The following PSG6 variants were observed in gnomAD, a reference collection of about 807,000 sequenced individuals.
PSG6 encodes the protein pregnancy specific beta-1-glycoprotein 6, also known as pregnancy-specific beta-1-glycoprotein 6.
A neutral mutation model predicts 43.3 loss-of-function variants in PSG6; 51 were observed. The observed-to-expected ratio is 1.18, with a 90% CI of 0.94 to 1.49. The LOEUF (loss-of-function observed/expected upper bound fraction) is 1.49. Ranked by LOEUF, PSG6 falls within the 40% of genes most tolerant of loss-of-function variation. The pLI, the probability that PSG6 is intolerant of heterozygous loss-of-function variation, is 0.00. For synonymous variants in PSG6, 292 were observed against 197.6 expected, an observed-to-expected ratio of 1.48 and a Z score of -4.01; for missense variants, 770 against 522.2, an observed-to-expected ratio of 1.47 and a Z score of -4.62.
chr19:42,903,507 T>A (rs1438538927), intron 5 of PSG6: 2 of 1,118,178 alleles, frequency 1.8e-6, no homozygotes, highest in East Asian at 3.0e-5. Context: ...AACCAAAAGT[T>A]GATTCTTCAA....
rs1336880012 is a variant in PSG6, at chr19:42,907,742, C to A, written c.819G>T (p.Trp273Cys). 3.1e-6 allele frequency: 5 copies of A among 1,610,714 alleles called. No homozygotes were observed. In the Admixed American group the frequency reaches 8.4e-5, roughly 27 times the overall value. ...PKSRNYTYIW[W>C]LNGQSLPVSP... is the part of the protein sequence containing the mutation. ...TGACCGGGAGGCTCTGACCATTTAG[C>A]CACCAAATGTAGGTGTAGTTCCGAC... Residue 273 changes from tryptophan to cysteine, a missense_variant, in exon 4 of 6, where the codon TGG (tryptophan) becomes TGT (cysteine). Trp to Cys is a radical substitution (Grantham distance 215, BLOSUM62 -2). Coordinates refer to ENST00000187910, the MANE Select transcript of PSG6 (RefSeq NM_001031850.4).
At position 42,916,766 on chromosome 19, in the gene PSG6, C is replaced by T. The variant is rs181037323; in HGVS notation, c.65-279G>A. ...TTTGCAATCCTCTTCCCCAGGGGTCCGCACGGCCCCCTCCACACTGCCCTC... is the reference window on the plus strand; with the variant it reads ...TTTGCAATCCTCTTCCCCAGGGGTCTGCACGGCCCCCTCCACACTGCCCTC... On this transcript the variant is annotated intron_variant, in intron 1 of 5. Transcript: ENST00000187910. Among the ~76,000 whole-genome samples the T allele has an allele frequency of 1.4e-3, 216 of 151,128 alleles. 5 individuals are homozygous for T. Among genetic ancestry groups the T allele is most frequent in the Non-Finnish European group, 2.4e-3 (166 of 67,790 alleles).
At chr19:42,915,314 A>G (rs1384735291) in intron 2 of PSG6, 2 of 151,874 alleles carry the variant, frequency 1.3e-5, no homozygotes, top group African/African-American at 4.8e-5. Context: ...AATGCTTGGC[A>G]CAGTGGAGGT....
At chr19:42,917,529 A>T (rs536815690) in intron 1 of PSG6, among the ~76,000 whole-genome samples, 200 bp downstream of exon 1, 1 of 150,638 alleles carries the variant, frequency 6.6e-6, no homozygotes, top group East Asian at 2.0e-4. Context: ...TACTTGGTTA[A>T]TTTTTTGTAT....
intron 5 of PSG6, among the ~76,000 whole-genome samples, chr19:42,905,312 T>C (rs1034055694): frequency 2.0e-5 from 3 of 151,744 alleles, no homozygotes; most frequent in Non-Finnish European, 4.4e-5. Flanking sequence ...GCAAAGTTCC[T>C]CAGCATCACG....
rs1972200623 is a variant in PSG6, at chr19:42,910,589, T to G, written c.697A>C (p.Asn233His). ...SASRSDPVTL[N>H]LLPKLPMPYI... ...AACAGAAGATACTCACGGAGGAGAT[T>G]CAGGGTGACTGGGTCACTGCGGCTG... The change falls in exon 3 of 6, where the codon AAT (asparagine) becomes CAT (histidine). Residue 233 changes from asparagine (N) to histidine (H), a missense_variant. Asn to His is a moderately conservative substitution (Grantham distance 68). Coordinates refer to ENST00000187910, the MANE Select transcript of PSG6 (RefSeq NM_001031850.4). The G allele has an allele frequency of 6.2e-7, 1 of 1,612,362 alleles. No homozygotes were observed. Among genetic ancestry groups the G allele is most frequent in the African/African-American group, 1.3e-5 (1 of 74,744 alleles).
rs1291122719 is a variant in PSG6, at chr19:42,902,402, G to T, written c.*10C>A. On this transcript the variant is annotated 3_prime_UTR_variant, in exon 6 of 6. Transcript: ENST00000187910. ...TGTTCTTTTTCTCAGTGTCTCTATT[G>T]TGGCAGCCATTAATGAGACTCTGTC... 1 of 1,610,292 alleles carries T rather than the reference G, an allele frequency of 6.2e-7. No individual in the cohort carries two copies. Among genetic ancestry groups the T allele is most frequent in the Non-Finnish European group, 8.5e-7 (1 of 1,177,908 alleles).
chr19:42,903,506 T>G (rs987385032), intron 5 of PSG6: 117 of 1,108,514 alleles, frequency 1.1e-4, no homozygotes, highest in Non-Finnish European at 1.3e-4. Flanking sequence ...AAACCAAAAG[T>G]TGATTCTTCA....
rs779972451 is a variant in PSG6, at chr19:42,910,809, C to T, written c.477G>A (p.Glu159=). The change falls in exon 3 of 6, where the codon GAG becomes GAA. Residue 159 remains glutamate (E), a synonymous_variant. Transcript: ENST00000187910. The part of the protein sequence containing the change: ...SISSSNLNPR[E]VMEAVRLICD... ...AGATTAAGCGCACAGCCTCCATGAC[C>T]TCCCTGGGGTTTAAGTTGCTGCTGG... The T allele has an allele frequency of 1.2e-6, 2 of 1,612,062 alleles. No individual in the cohort carries two copies. The highest frequency in any genetic ancestry group is 1.1e-5 in the South Asian group (1 of 90,580).
chr19:42,915,494 G>A (rs1272062214), intron 2 of PSG6: 2 of 154,018 alleles, frequency 1.3e-5, no homozygotes, highest in Non-Finnish European at 2.9e-5. Context: ...GTTGGCTGAT[G>A]GCCTACAAAG....
chr19:42,912,482 T>C (rs1315043756), intron 2 of PSG6, among the ~76,000 whole-genome samples: 1 of 151,736 alleles, frequency 6.6e-6, no homozygotes, highest in Non-Finnish European at 1.5e-5. Context: ...CAAAGGTGAT[T>C]TGAAATTAGC....
intron 5 of PSG6, chr19:42,903,726 A>C (rs987334198): frequency 5.0e-4 from 85 of 170,016 alleles, no homozygotes; most frequent in Non-Finnish European, 7.2e-4. Context: ...CTGTCTCTAC[A>C]AAAAAAAAAA....
chr19:42,903,709 G>GGA, intron 5 of PSG6: 2 of 1,523,872 alleles, frequency 1.3e-6, no homozygotes, highest in Non-Finnish European at 1.8e-6. Flanking sequence ...GGTAACCTGG[G>GGA]GAGATGCTGT....
rs189720075 is a variant in PSG6, at chr19:42,911,587, G to A, written c.428-729C>T. 9.1e-4 allele frequency among the ~76,000 whole-genome samples: 138 copies of A among 151,770 alleles called. 6 individuals carry two copies. The highest frequency in any genetic ancestry group is 2.9e-3 in the African/African-American group (122 of 41,396). On this transcript the variant is annotated intron_variant, in intron 2 of 5. Transcript: ENST00000187910. ...GCCCAAGACCATGATCCCTGTTCTG[G>A]GTCCATGATGCTCCCTTCCCCCTGT...
At position 42,912,897 on chromosome 19, in the gene PSG6, C is replaced by T. The variant is rs140854042; in HGVS notation, c.428-2039G>A. ...CTACCTGGCCACCTCCATCTGGTCC[C>T]CAAACCACAAGTATTCCCGTTAAGT... On this transcript the variant is annotated intron_variant, in intron 2 of 5. Transcript: ENST00000187910. Among the ~76,000 whole-genome samples the T allele has an allele frequency of 1.1e-4, 17 of 151,756 alleles. No homozygotes were observed. The East Asian group carries it at 3.3e-3, about 29-fold the overall frequency.
chr19:42,916,382 T>C lies in PSG6; in HGVS notation c.170A>G (p.Asn57Ser), dbSNP rs768911357. Residue 57 changes from asparagine (N) to serine (S), a missense_variant, in exon 2 of 6, where the codon AAT becomes AGT. Asn to Ser is a conservative substitution (Grantham distance 46). Transcript: ENST00000187910. Reference protein sequence around the residue: ...EGKDVLLLVHNLPQNLTGYIW... With the variant: ...EGKDVLLLVHSLPQNLTGYIW... ...GTAGCCAGTAAGATTCTGGGGCAAA[T>C]TGTGGACAAGTAGAAGAACATCCTT... 1.1e-5 allele frequency: 18 copies of C among 1,611,932 alleles called. 1 individual carries two copies. The African/African-American group carries it at 1.6e-4, about 14-fold the overall frequency.
chr19:42,917,083 T>C (rs1568448848), intron 1 of PSG6, among the ~76,000 whole-genome samples: 1 of 150,826 alleles, frequency 6.6e-6, no homozygotes, highest in African/African-American at 2.4e-5. Flanking sequence ...GTGTTTTTTT[T>C]CCCCCAATTG....
intron 4 of PSG6, among the ~76,000 whole-genome samples, 191 bp downstream of exon 4, chr19:42,907,385 G>T (rs1359526288): frequency 3.3e-5 from 5 of 151,812 alleles, no homozygotes; most frequent in Non-Finnish European, 5.9e-5. Flanking sequence ...TGACAAGAGC[G>T]CCCCTCCCCT....
At chr19:42,905,895 T>C (rs1441896021) in intron 5 of PSG6, among the ~76,000 whole-genome samples, 2 of 151,434 alleles carry the variant, frequency 1.3e-5, no homozygotes, top group African/African-American at 4.9e-5. Flanking sequence ...GAAAGTAGAA[T>C]GGTGGGTGTT....
Sources: allele counts gnomAD v4.1 joint callset (sites outside exome capture counted in the v4.1 genomes callset), GRCh38; gene constraint gnomAD v4.1.1; transcripts MANE v1.5; gene names NCBI Gene and HGNC (gene_info 2026-07-23, HGNC 2026-07-21).